The following GPATCH2 variants were observed in gnomAD, a reference collection of about 807,000 sequenced individuals.
The protein encoded by GPATCH2 is G patch domain-containing protein 2.
GPATCH2 carries 51 observed loss-of-function variants against 58.0 expected under a neutral mutation model. The observed-to-expected ratio is 0.88, with a 90% CI of 0.70 to 1.11. GPATCH2 has a LOEUF of 1.11. Among genes scored for constraint, GPATCH2 ranks in the 50% most tolerant of loss-of-function variants. GPATCH2 has a pLI of 0.00. For synonymous variants in GPATCH2, 222 were observed against 218.5 expected, an observed-to-expected ratio of 1.02 and a Z score of -0.14; for missense variants, 625 against 652.2, an observed-to-expected ratio of 0.96 and a Z score of 0.45.
intron 8 of GPATCH2, among the ~76,000 whole-genome samples, chr1:217,463,533 G>T (rs1660293993): frequency 6.7e-6 from 1 of 150,246 alleles, no homozygotes. Context: ...AGGCCAGCAG[G>T]ATGATTTATG....
intron 8 of GPATCH2, among the ~76,000 whole-genome samples, chr1:217,453,134 T>A (rs1386232924): frequency 2.0e-5 from 3 of 152,240 alleles, no homozygotes; most frequent in Non-Finnish European, 4.4e-5. Context: ...TCAGTCTAAA[T>A]GAGTCATTTG....
At chr1:217,546,440 G>A (rs1240442904) in intron 5 of GPATCH2, among the ~76,000 whole-genome samples, 2 of 152,094 alleles carry the variant, frequency 1.3e-5, no homozygotes, top group African/African-American at 2.4e-5. Flanking sequence ...ATAACACAGA[G>A]CCCAGAAATA....
intron 7 of GPATCH2, among the ~76,000 whole-genome samples, chr1:217,495,603 C>G (rs897257448): frequency 6.6e-6 from 1 of 152,244 alleles, no homozygotes; most frequent in African/African-American, 2.4e-5. Flanking sequence ...ATAGTTGCCT[C>G]TCCCTCTTTC....
intron 5 of GPATCH2, 51 bp from the exon 6 acceptor site, chr1:217,514,940 C>T (rs1430153208): frequency 3.6e-6 from 3 of 844,412 alleles, no homozygotes; most frequent in Non-Finnish European, 6.1e-6. Flanking sequence ...GTTTATAAAA[C>T]GACCATGGAT....
At chr1:217,432,688 T>C (rs1432408225) in intron 9 of GPATCH2, among the ~76,000 whole-genome samples, 1 of 152,210 alleles carries the variant, frequency 6.6e-6, no homozygotes, top group Non-Finnish European at 1.5e-5. Flanking sequence ...GCATTTCTTA[T>C]GGTTACTCCC....
chr1:217,563,873 C>T (rs551129387), intron 5 of GPATCH2, among the ~76,000 whole-genome samples: 1 of 151,724 alleles, frequency 6.6e-6, no homozygotes, highest in East Asian at 1.9e-4. Flanking sequence ...GGAGGAACCC[C>T]GTCTCTACTC....
In GPATCH2 at chr1:217,429,662, T is replaced by C. The variant is rs1196817211; in HGVS notation, c.*1483A>G. 1 of 151,878 alleles carries C rather than the reference T, an allele frequency of 6.6e-6. No homozygotes were observed. 9.4% of individuals were successfully genotyped at this position (151,878 alleles called of 1,614,324 possible). On this transcript the variant is annotated 3_prime_UTR_variant, in exon 10 of 10. Transcript: ENST00000366935. Reference sequence around the variant, plus strand: ...GGCCAACATGGTGAAACTCCGTCTATACTAAAAATACAAAAATTATCCGGG... The same window carrying C: ...GGCCAACATGGTGAAACTCCGTCTACACTAAAAATACAAAAATTATCCGGG...
At chr1:217,612,968 T>C (rs970539158) in intron 3 of GPATCH2, among the ~76,000 whole-genome samples, 3 of 152,180 alleles carry the variant, frequency 2.0e-5, no homozygotes, top group Non-Finnish European at 4.4e-5. Context: ...AATGCTGGCA[T>C]ATCATTCTAA....
chr1:217,578,878 T>G (rs895843808), intron 5 of GPATCH2, among the ~76,000 whole-genome samples: 8 of 152,338 alleles, frequency 5.3e-5, no homozygotes, highest in Non-Finnish European at 1.0e-4. Context: ...CTGCCAGTAT[T>G]TTCTTCCTAG....
chr1:217,578,064 G>A (rs79433383), intron 5 of GPATCH2, among the ~76,000 whole-genome samples: 3,881 of 126,206 alleles, frequency 0.031, 200 homozygotes, highest in East Asian at 0.27. Context: ...ATTTTATACT[G>A]CAAACTCCAC....
chr1:217,613,179 T>G (rs1409941740), intron 3 of GPATCH2, among the ~76,000 whole-genome samples: 1 of 152,222 alleles, frequency 6.6e-6, no homozygotes, highest in Non-Finnish European at 1.5e-5. Flanking sequence ...TTCAGCAAAG[T>G]ATCAACTTTA....
chr1:217,571,919 C>A (rs1157721359), intron 5 of GPATCH2, among the ~76,000 whole-genome samples: 2 of 136,178 alleles, frequency 1.5e-5, no homozygotes, highest in Non-Finnish European at 3.1e-5. Context: ...GAAAGAAAGA[C>A]AGACAGACAA....
At chr1:217,599,022 T>A (rs1365167289) in intron 5 of GPATCH2, among the ~76,000 whole-genome samples, 2 of 152,222 alleles carry the variant, frequency 1.3e-5, no homozygotes, top group East Asian at 3.9e-4. Context: ...ATTGAACTGA[T>A]ACCTGAAGGA....
At chr1:217,626,354 AAGAT>A (rs1669454880) in intron 1 of GPATCH2, among the ~76,000 whole-genome samples, 1 of 152,220 alleles carries the variant, frequency 6.6e-6, no homozygotes, top group South Asian at 2.1e-4. Flanking sequence ...ACTTAACACA[AAGAT>A]AGTCTTGTAC....
chr1:217,545,485 G>A (rs779631395), intron 5 of GPATCH2, among the ~76,000 whole-genome samples: 11 of 152,172 alleles, frequency 7.2e-5, no homozygotes, highest in Non-Finnish European at 1.6e-4. Flanking sequence ...TTCTCCCACA[G>A]AAAGGGAAAA....
chr1:217,555,415 G>A (rs1250882520), intron 5 of GPATCH2, among the ~76,000 whole-genome samples: 1 of 152,044 alleles, frequency 6.6e-6, no homozygotes, highest in African/African-American at 2.4e-5. Flanking sequence ...CTGCCACATT[G>A]GCTAAAATGT....
intron 8 of GPATCH2, among the ~76,000 whole-genome samples, chr1:217,468,869 A>G (rs1660594217): frequency 6.6e-6 from 1 of 152,042 alleles, no homozygotes; most frequent in Non-Finnish European, 1.5e-5. Context: ...AGACACAATG[A>G]GTTTATATTT....
intron 5 of GPATCH2, among the ~76,000 whole-genome samples, chr1:217,518,414 C>T (rs1419951528): frequency 1.3e-5 from 2 of 152,108 alleles, no homozygotes; most frequent in Admixed American, 1.3e-4. Flanking sequence ...ATATTAAAAG[C>T]ATTTTCTTAT....
chr1:217,582,204 C>G (rs562119526), intron 5 of GPATCH2, among the ~76,000 whole-genome samples: 1 of 152,066 alleles, frequency 6.6e-6, no homozygotes, highest in Non-Finnish European at 1.5e-5. Flanking sequence ...TGCCATTCCC[C>G]GCTGCATCTC....
Sources: gnomAD v4.1 joint callset for allele counts (sites outside exome capture counted in the v4.1 genomes callset) on GRCh38, gnomAD v4.1.1 for gene constraint, MANE v1.5 for transcripts, NCBI Gene and HGNC (gene_info 2026-07-23, HGNC 2026-07-21) for gene names.